ST3GAL3: variants seen among roughly 807,000 people sequenced by gnomAD.
ST3GAL3 encodes the protein CMP-N-acetylneuraminate-beta-1,4-galactoside alpha-2,3-sialyltransferase.
A neutral mutation model predicts 50.1 loss-of-function variants in ST3GAL3; 21 were observed. The observed-to-expected ratio is 0.42, with a 90% CI of 0.30 to 0.60. The LOEUF (loss-of-function observed/expected upper bound fraction) is 0.60, where lower values mean the gene tolerates loss of function less well. Among genes scored for constraint, ST3GAL3 ranks in the 20% least tolerant of loss-of-function variants. The pLI, the probability that ST3GAL3 is intolerant of heterozygous loss-of-function variation, is 0.19. For synonymous variants in ST3GAL3, 183 were observed against 190.0 expected (o/e 0.96, Z 0.30); for missense variants, 353 against 489.4 (o/e 0.72, Z 2.63).
chr1:43,844,429 A>G (rs2065897327), intron 5 of ST3GAL3, among the ~76,000 whole-genome samples: 1 of 152,254 alleles, frequency 6.6e-6, no homozygotes, highest in African/African-American at 2.4e-5. Flanking sequence ...GAAGGAATTT[A>G]GCAGCTCTCT....
intron 2 of ST3GAL3, among the ~76,000 whole-genome samples, chr1:43,778,841 G>A (rs1396395482): frequency 6.6e-6 from 1 of 151,720 alleles, no homozygotes; most frequent in Admixed American, 6.6e-5. Flanking sequence ...TAGAGGCAGG[G>A]TTTCACCATG....
At chr1:43,927,482 T>C (rs2084209081) in intron 11 of ST3GAL3, among the ~76,000 whole-genome samples, 1 of 152,214 alleles carries the variant, frequency 6.6e-6, no homozygotes. Context: ...CAATGACTCC[T>C]AGTGGGTGCT....
intron 5 of ST3GAL3, among the ~76,000 whole-genome samples, chr1:43,872,311 G>A (rs1238957712): frequency 1.5e-5 from 2 of 135,824 alleles, no homozygotes; most frequent in African/African-American, 2.8e-5. Flanking sequence ...GTTGGGGAGA[G>A]GTGAGAGGGG....
At chr1:43,805,882 C>T (rs2059817452) in intron 3 of ST3GAL3, among the ~76,000 whole-genome samples, 1 of 152,062 alleles carries the variant, frequency 6.6e-6, no homozygotes, top group Non-Finnish European at 1.5e-5. Flanking sequence ...ATTACAGGCA[C>T]GCACCACCAC....
At chr1:43,810,987 C>G (rs1383504947) in intron 3 of ST3GAL3, among the ~76,000 whole-genome samples, 3 of 152,150 alleles carry the variant, frequency 2.0e-5, no homozygotes, top group African/African-American at 7.2e-5. Flanking sequence ...TCCATTTGCA[C>G]TAACTTCCCC....
At chr1:43,885,269 A>T (rs1306089430) in intron 5 of ST3GAL3, among the ~76,000 whole-genome samples, 2 of 152,038 alleles carry the variant, frequency 1.3e-5, no homozygotes, top group Non-Finnish European at 2.9e-5. Flanking sequence ...TCAGATCCAC[A>T]CTCAGCATGT....
In ST3GAL3 at chr1:43,898,243, A is replaced by T; in HGVS notation, c.406A>T (p.Ile136Phe). ...CTCTCCTCTGTCTGCAGACAATCTG[A>T]TCAAAGCCATCTTGTCAGTCACCAA... ...PFGIKGQDNL[I>F]KAILSVTKEY... is the part of the protein sequence containing the mutation. Residue 136 changes from isoleucine (I) to phenylalanine (F), a missense_variant, in exon 7 of 12, where the codon ATC (isoleucine) becomes TTC (phenylalanine). Ile to Phe is a conservative substitution (Grantham distance 21). Coordinates refer to ENST00000347631, the MANE Select transcript of ST3GAL3 (RefSeq NM_006279.5). 6.2e-7 allele frequency: 1 copy of T among 1,613,904 alleles called. No homozygotes were observed. Among genetic ancestry groups the T allele is most frequent in the Non-Finnish European group, 8.5e-7 (1 of 1,180,026 alleles).
intron 1 of ST3GAL3, among the ~76,000 whole-genome samples, chr1:43,714,274 A>G (rs1484216628): frequency 6.7e-6 from 1 of 148,254 alleles, no homozygotes; most frequent in Non-Finnish European, 1.5e-5. Context: ...CTCAAAAAAA[A>G]AAAAAAAATC....
intron 1 of ST3GAL3, among the ~76,000 whole-genome samples, chr1:43,735,687 C>T (rs186903766): frequency 4.3e-4 from 65 of 152,306 alleles, no homozygotes; most frequent in Non-Finnish European, 7.8e-4. Context: ...CTCACCATAT[C>T]CAGATTTTGG....
intron 5 of ST3GAL3, among the ~76,000 whole-genome samples, chr1:43,849,637 T>G (rs2066912881): frequency 6.6e-6 from 1 of 152,130 alleles, no homozygotes; most frequent in Non-Finnish European, 1.5e-5. Context: ...TTATCTCAGG[T>G]GGAGCAGGAA....
chr1:43,755,676 G>A (rs190453511), intron 2 of ST3GAL3, among the ~76,000 whole-genome samples: 8 of 152,174 alleles, frequency 5.3e-5, no homozygotes, highest in South Asian at 2.1e-4. Context: ...CTATATGGAC[G>A]AGACTTAGAA....
chr1:43,843,070 C>A (rs1315382436), intron 5 of ST3GAL3, among the ~76,000 whole-genome samples: 2 of 152,226 alleles, frequency 1.3e-5, no homozygotes, highest in African/African-American at 4.8e-5. Flanking sequence ...CTATATGTCT[C>A]ATTCCTTTTT....
At chr1:43,720,592 C>T (rs893619805) in intron 1 of ST3GAL3, 1 of 152,168 alleles carries the variant, frequency 6.6e-6, no homozygotes, top group Non-Finnish European at 1.5e-5. Context: ...GAGAAAGAGA[C>T]TGAACTCACA....
chr1:43,714,413 C>T (rs767844821), intron 1 of ST3GAL3, among the ~76,000 whole-genome samples: 68 of 148,152 alleles, frequency 4.6e-4, no homozygotes, highest in Non-Finnish European at 9.1e-4. Context: ...CACGGTGAAA[C>T]CCCGTCTCTA....
chr1:43,802,877 T>C (rs561107531), intron 3 of ST3GAL3, among the ~76,000 whole-genome samples: 43 of 152,288 alleles, frequency 2.8e-4, no homozygotes, highest in Admixed American at 6.5e-4. Context: ...AAATTTTAAA[T>C]TAAGAGTTGG....
At chr1:43,771,419 G>A (rs534247232) in intron 2 of ST3GAL3, among the ~76,000 whole-genome samples, 1 of 151,612 alleles carries the variant, frequency 6.6e-6, no homozygotes, top group Admixed American at 6.6e-5. Context: ...GTGCAGTGGC[G>A]TGATCTCGGC....
At chr1:43,752,626 A>G (rs1387065820) in intron 2 of ST3GAL3, among the ~76,000 whole-genome samples, 2 of 151,976 alleles carry the variant, frequency 1.3e-5, no homozygotes, top group East Asian at 3.9e-4. Flanking sequence ...TCATCCTCCC[A>G]TGTGGTGGTT....
At chr1:43,802,650 C>T (rs1363982913) in intron 3 of ST3GAL3, among the ~76,000 whole-genome samples, 1 of 152,228 alleles carries the variant, frequency 6.6e-6, no homozygotes, top group African/African-American at 2.4e-5. Flanking sequence ...GCCTCTTGGG[C>T]AACACTCTGC....
chr1:43,845,296 T>A (rs938947812), intron 5 of ST3GAL3, among the ~76,000 whole-genome samples: 15 of 152,094 alleles, frequency 9.9e-5, no homozygotes, highest in South Asian at 8.3e-4. Context: ...GAAGTTTTTT[T>A]TTATTATTAT....
Sources: allele counts gnomAD v4.1 joint callset (sites outside exome capture counted in the v4.1 genomes callset), GRCh38; gene constraint gnomAD v4.1.1; transcripts MANE v1.5; gene names NCBI Gene and HGNC (gene_info 2026-07-23, HGNC 2026-07-21).